KRT12: variants seen among roughly 807,000 people sequenced by gnomAD.
KRT12 encodes the protein keratin 12, also known as keratin, type I cytoskeletal 12.
A neutral mutation model predicts 50.2 loss-of-function variants in KRT12; 43 were observed. That is an observed-to-expected ratio of 0.86 (90% CI 0.67 to 1.11). The LOEUF (loss-of-function observed/expected upper bound fraction) is 1.11. KRT12 is among the 50% of genes least tolerant of loss of function. KRT12 has a pLI of 0.00. For synonymous variants in KRT12, 257 were observed against 253.6 expected (o/e 1.01, Z -0.13); for missense variants, 588 against 625.6 (o/e 0.94, Z 0.64).
intron 7 of KRT12, among the ~76,000 whole-genome samples, chr17:40,862,264 G>T (rs1456417928): frequency 1.3e-5 from 2 of 151,850 alleles, no homozygotes; most frequent in Non-Finnish European, 2.9e-5. Context: ...TGTAGAGATG[G>T]GGTCTCGCTA....
At chr17:40,861,816 A>G in intron 7 of KRT12, 58 bp from the exon 8 acceptor site, 5 of 1,101,522 alleles carry the variant, frequency 4.5e-6, no homozygotes, top group Non-Finnish European at 7.0e-6. Flanking sequence ...TTAATCCAAC[A>G]CTGGTTGTTT....
In KRT12 at chr17:40,863,872, C is replaced by T. The variant is rs1165529172; in HGVS notation, c.808-8G>A. The T allele has an allele frequency of 3.1e-6, 5 of 1,587,736 alleles. No homozygotes were observed. The highest frequency in any genetic ancestry group is 4.3e-6 in the Non-Finnish European group (5 of 1,169,770). On this transcript the variant is annotated splice_polypyrimidine_tract_variant and splice_region_variant and intron_variant, in intron 3 of 7. Transcript: ENST00000251643. The surrounding 1 kb of genome is among the most constrained non-coding windows in gnomAD (Gnocchi z 4.2). The stretch of plus-strand genomic sequence containing the variant: ...CCGGAAGCTTTGGAGCTCCTGGGGA[C>T]AGCATGTGAGAGAGAGGGGCACAGG...
At chr17:40,862,434 C>T in intron 7 of KRT12, 131 bp downstream of exon 7, 3 of 719,588 alleles carry the variant, frequency 4.2e-6, no homozygotes, top group Non-Finnish European at 7.3e-6. Context: ...AAATGTTTTT[C>T]CTTGGCTCAG....
chr17:40,864,672 A>T (rs2143263162), intron 3 of KRT12, 134 bp downstream of exon 3: 2 of 902,644 alleles, frequency 2.2e-6, no homozygotes, highest in Non-Finnish European at 3.6e-6. Context: ...ATCTAAAACA[A>T]ATGGCCATTT....
rs1164680636 is a variant in KRT12, at chr17:40,866,920, C to T, written c.267G>A (p.Leu89=). 6.2e-7 allele frequency: 1 copy of T among 1,613,386 alleles called. No homozygotes were observed. The highest frequency in any genetic ancestry group is 8.5e-7 in the Non-Finnish European group (1 of 1,179,760). Residue 89 remains leucine (L), a synonymous_variant, in exon 1 of 8, where the codon CTG becomes CTA. Coordinates refer to ENST00000251643, the MANE Select transcript of KRT12 (RefSeq NM_000223.4). ...GGLGAGYGRA[L]GGGSFGGLGM... ...CCAGCCCTCCAAAGCTACCTCCACC[C>T]AGGGCTCTCCCATAACCAGCACCCA...
Position 40,866,972 on chromosome 17 carries a change from C to T in KRT12, c.215G>A (p.Gly72Asp). 6.3e-7 allele frequency: 1 copy of T among 1,598,028 alleles called. No individual in the cohort carries two copies. Residue 72 changes from glycine to aspartate, a missense_variant, in exon 1 of 8, where the codon GGC becomes GAC. By Grantham distance (94) the Gly-to-Asp change is moderately conservative. Transcript: ENST00000251643. ...MFGSSSGFGGGSGSSMAGGLG... is the reference protein window; with the variant it reads ...MFGSSSGFGGDSGSSMAGGLG... ...TCCTCCTGCCATGGAACTTCCGGAG[C>T]CACCCCCAAAGCCGGAACTAGAACC... is the stretch of plus-strand genomic sequence containing the variant.
rs998271556 is a variant in KRT12 at position 40,863,085 on chromosome 17, G to T, written c.1316+38C>A. ...TATTTCTGCTGCCCACTCTTGGTCA[G>T]CCCCTGAAGGTGTTTACAGCCTCCG... On this transcript the variant is annotated intron_variant, in intron 6 of 7. Coordinates refer to ENST00000251643, the MANE Select transcript of KRT12 (RefSeq NM_000223.4). The surrounding 1 kb of genome is among the most constrained non-coding windows in gnomAD (Gnocchi z 4.2). The T allele has an allele frequency of 8.3e-6, 13 of 1,566,720 alleles. No individual in the cohort carries two copies. The African/African-American group carries it at 9.5e-5, about 11-fold the overall frequency.
chr17:40,863,544 T>C lies in KRT12; in HGVS notation c.1036A>G (p.Thr346Ala). 6.2e-7 allele frequency: 1 copy of C among 1,614,234 alleles called. No individual in the cohort carries two copies. Among genetic ancestry groups the C allele is most frequent in the Non-Finnish European group, 8.5e-7 (1 of 1,180,052 alleles). ...TTCTGAAAGGCGCGACGCAGGTCGG[T>C]GACCTCGCTCTTGCTGGACTGAAGC... is the stretch of plus-strand genomic sequence containing the variant. ...EQLQSSKSEV[T>A]DLRRAFQNLE... The change falls in exon 5 of 8, where the codon ACC (threonine) becomes GCC (alanine). Residue 346 changes from threonine (T) to alanine (A), a missense_variant. Coordinates refer to ENST00000251643, the MANE Select transcript of KRT12 (RefSeq NM_000223.4). This position sits in a 1 kb window ranked among gnomAD's most constrained non-coding sequence, Gnocchi z 4.2.
Position 40,863,080 on chromosome 17 carries a change from G to T in KRT12, c.1316+43C>A. 6.5e-7 allele frequency: 1 copy of T among 1,537,786 alleles called. No homozygotes were observed. Among genetic ancestry groups the T allele is most frequent in the Non-Finnish European group, 9.0e-7 (1 of 1,110,656 alleles). ...CCTTCTATTTCTGCTGCCCACTCTTGGTCAGCCCCTGAAGGTGTTTACAGC... is the reference window on the plus strand; with the variant it reads ...CCTTCTATTTCTGCTGCCCACTCTTTGTCAGCCCCTGAAGGTGTTTACAGC... On this transcript the variant is annotated intron_variant, in intron 6 of 7. Transcript: ENST00000251643. The surrounding 1 kb of genome is among the most constrained non-coding windows in gnomAD (Gnocchi z 4.2).
chr17:40,863,953 TACAC>T lies in KRT12; in HGVS notation c.808-93_808-90del, dbSNP rs71155107. 924 of 513,222 alleles carry T rather than the reference TACAC, an allele frequency of 1.8e-3. 1 individual carries two copies. Among genetic ancestry groups the T allele is most frequent in the Non-Finnish European group, 2.3e-3 (676 of 297,394 alleles). 31.8% of individuals were successfully genotyped at this position (513,222 alleles called of 1,614,324 possible). A position where few individuals can be genotyped will look rare whatever the true frequency, so the allele number is the denominator to read the frequency against. The stretch of plus-strand genomic sequence containing the variant: ...ACTTTTGTCCTCTTGGGCCCCTTCC[TACAC>T]ACACACACACACACACACACACACA... On this transcript the variant is annotated intron_variant, in intron 3 of 7. Coordinates refer to ENST00000251643, the MANE Select transcript of KRT12 (RefSeq NM_000223.4). This position sits in a 1 kb window ranked among gnomAD's most constrained non-coding sequence, Gnocchi z 4.2.
Position 40,861,699 on chromosome 17 carries a change from C to T in KRT12, c.1447G>A (p.Val483Ile), listed in dbSNP as rs1906808485. The T allele has an allele frequency of 6.2e-7, 1 of 1,613,592 alleles. No homozygotes were observed. Among genetic ancestry groups the T allele is most frequent in the African/African-American group, 1.3e-5 (1 of 75,014 alleles). The change falls in exon 8 of 8, where the codon GTC becomes ATC. Residue 483 changes from valine (V) to isoleucine (I), a missense_variant. By Grantham distance (29) the Val-to-Ile change is conservative (BLOSUM62 3). Transcript: ENST00000251643. ...TCAATTTCCTGAACTTGAGATGAGACCACCTCACCATTCACCATCTCCTGC... is the reference window on the plus strand; with the variant it reads ...TCAATTTCCTGAACTTGAGATGAGATCACCTCACCATTCACCATCTCCTGC... ...VVQEMVNGEV[V>I]SSQVQEIEEL... is the part of the protein sequence containing the mutation.
intron 2 of KRT12, 98 bp from the exon 3 acceptor site, chr17:40,865,060 A>G: frequency 3.1e-6 from 4 of 1,271,450 alleles, no homozygotes; most frequent in Non-Finnish European, 4.6e-6. Context: ...CTGTGCACCT[A>G]CTTAATAATG....
At position 40,861,703 on chromosome 17, in the gene KRT12, C is replaced by A; in HGVS notation, c.1443G>T (p.Glu481Asp). 1 of 1,613,944 alleles carries A rather than the reference C, an allele frequency of 6.2e-7. No individual in the cohort carries two copies. The highest frequency in any genetic ancestry group is 8.5e-7 in the Non-Finnish European group (1 of 1,179,838). Reference sequence around the variant, plus strand: ...TTTCCTGAACTTGAGATGAGACCACCTCACCATTCACCATCTCCTGCACAA... The same window carrying A: ...TTTCCTGAACTTGAGATGAGACCACATCACCATTCACCATCTCCTGCACAA... ...KTVVQEMVNGEVVSSQVQEIE... is the reference protein window; with the variant it reads ...KTVVQEMVNGDVVSSQVQEIE... Residue 481 changes from glutamate (E) to aspartate (D), a missense_variant, in exon 8 of 8, where the codon GAG becomes GAT. Transcript: ENST00000251643.
rs1284537995 is a variant in KRT12, at chr17:40,866,546, A to G, written c.567+74T>C. ...TTGGAAAATATCAAAGTTGTAGGTG[A>G]TTATCACTGTAAAACATTGTAATGG... On this transcript the variant is annotated intron_variant, in intron 1 of 7. Transcript: ENST00000251643. 8.6e-6 allele frequency: 11 copies of G among 1,277,554 alleles called. No homozygotes were observed. In the East Asian group the frequency reaches 2.5e-4, roughly 29 times the overall value. The allele number at this position is 1,277,554 out of a possible 1,614,324, so 79.1% of individuals were successfully genotyped here.
At position 40,861,663 on chromosome 17, in the gene KRT12, A is replaced by G. The variant is rs758998402; in HGVS notation, c.1483T>C (p.Ter495GlnextTer8). The G allele has an allele frequency of 1.9e-6, 3 of 1,588,390 alleles. No homozygotes were observed. Among genetic ancestry groups the G allele is most frequent in the South Asian group, 2.2e-5 (2 of 90,520 alleles). ...SQVQEIEELM[*>Q] is the part of the protein sequence containing the mutation. ...CATGGGGCAGATCTTGTGAAATTTT[A>G]CATTAGTTCTTCAATTTCCTGAACT... Residue 495 changes from the stop codon to glutamine (Q), a stop_lost, in exon 8 of 8, where the codon TAA (stop) becomes CAA (glutamine). Coordinates refer to ENST00000251643, the MANE Select transcript of KRT12 (RefSeq NM_000223.4).
Position 40,867,091 on chromosome 17 carries a change from GC to G in KRT12, c.95del (p.Gly32AlafsTer79), listed in dbSNP as rs1282091069. The G allele has an allele frequency of 3.7e-6, 6 of 1,613,690 alleles. No homozygotes were observed. Among genetic ancestry groups the G allele is most frequent in the Non-Finnish European group, 5.1e-6 (6 of 1,179,850 alleles). ...CACTTCCAACACTGGAAGCAGACAT[GC>G]CCCTGGGTCTGCCTATCACACTCTG... is the stretch of plus-strand genomic sequence containing the variant. ...SSQSVIGRPR[G>X]MSASSVGSGY... On this transcript the variant is annotated frameshift_variant, in exon 1 of 8. Coordinates refer to ENST00000251643, the MANE Select transcript of KRT12 (RefSeq NM_000223.4). LOFTEE classifies it high-confidence loss of function.
In KRT12 at chr17:40,863,462, C is replaced by T. The variant is rs371863027; in HGVS notation, c.1095+23G>A. On this transcript the variant is annotated intron_variant, in intron 5 of 7. Transcript: ENST00000251643. This position sits in a 1 kb window ranked among gnomAD's most constrained non-coding sequence, Gnocchi z 4.2. The stretch of plus-strand genomic sequence containing the variant: ...TTCTTTGGAAGTCCAAAGGATGCTA[C>T]GTCTGTTTGCGCACGAGCCTACCAT... 6.8e-6 allele frequency: 11 copies of T among 1,614,096 alleles called. No individual in the cohort carries two copies. Among genetic ancestry groups the T allele is most frequent in the African/African-American group, 1.3e-5 (1 of 74,940 alleles).
intron 3 of KRT12, among the ~76,000 whole-genome samples, chr17:40,864,070 A>G (rs1906919225): frequency 6.6e-6 from 1 of 151,980 alleles, no homozygotes; most frequent in African/African-American, 2.4e-5. Flanking sequence ...TAACCTCAAA[A>G]TTCATATTTT....
chr17:40,865,000 C>T, intron 2 of KRT12, 38 bp from the exon 3 acceptor site: 11 of 1,611,476 alleles, frequency 6.8e-6, no homozygotes, highest in Non-Finnish European at 9.3e-6. Context: ...GGAATCAACA[C>T]AACCATTTGA....
Sources: allele counts gnomAD v4.1 joint callset (sites outside exome capture counted in the v4.1 genomes callset), GRCh38; gene constraint gnomAD v4.1.1; non-coding constraint Gnocchi (gnomAD v3.1); transcripts MANE v1.5; gene names NCBI Gene and HGNC (gene_info 2026-07-23, HGNC 2026-07-21).